GTF2E1: variants seen among roughly 807,000 people sequenced by gnomAD.
GTF2E1 encodes TFIIE alpha subunit.
In GTF2E1, 14 loss-of-function variants were observed where a neutral mutation model predicts 34.9. The ratio of observed to expected loss-of-function variants is 0.40; its 90% CI spans 0.27 to 0.63. The LOEUF (loss-of-function observed/expected upper bound fraction) is 0.63, where lower values mean the gene tolerates loss of function less well. Ranked by LOEUF, GTF2E1 falls within the 20% of genes least tolerant of loss-of-function variation. The probability of loss-of-function intolerance (pLI) is 0.39; values close to 1 mark genes in which losing one functional copy is unlikely to be tolerated. For missense variants in GTF2E1, 469 were observed against 557.7 expected, an observed-to-expected ratio of 0.84 and a Z score of 1.60; for synonymous variants, 188 against 192.9, an observed-to-expected ratio of 0.97 and a Z score of 0.21.
At chr3:120,745,723 T>C (rs944916391) in intron 1 of GTF2E1, among the ~76,000 whole-genome samples, 1 of 152,240 alleles carries the variant, frequency 6.6e-6, no homozygotes, top group Non-Finnish European at 1.5e-5. Context: ...CTTTGTTGAA[T>C]GTTTCTGAAG....
intron 2 of GTF2E1, among the ~76,000 whole-genome samples, chr3:120,769,068 A>G (rs1354893946): frequency 1.3e-5 from 2 of 152,040 alleles, no homozygotes; most frequent in Non-Finnish European, 2.9e-5. Flanking sequence ...TACCACCTAT[A>G]GGTTGTTGAT....
chr3:120,774,297 G>T (rs998573107), intron 3 of GTF2E1, among the ~76,000 whole-genome samples: 2 of 152,126 alleles, frequency 1.3e-5, no homozygotes, highest in Non-Finnish European at 2.9e-5. Context: ...AGACAAATGG[G>T]TGTGAGAGGA....
At chr3:120,751,084 A>G (rs1244020666) in intron 2 of GTF2E1, 84 bp downstream of exon 2, 2 of 783,102 alleles carry the variant, frequency 2.6e-6, no homozygotes, top group African/African-American at 1.7e-5. Context: ...TTTTTAAACC[A>G]TCATATATAT....
At chr3:120,761,120 A>G (rs1576359131) in intron 2 of GTF2E1, among the ~76,000 whole-genome samples, 1 of 152,102 alleles carries the variant, frequency 6.6e-6, no homozygotes, top group African/African-American at 2.4e-5. Context: ...CTATTCAGAG[A>G]TTCAACTTCT....
chr3:120,779,350 T>C (rs1191766460), intron 4 of GTF2E1, among the ~76,000 whole-genome samples: 1 of 152,208 alleles, frequency 6.6e-6, no homozygotes, highest in East Asian at 1.9e-4. Context: ...TTCCTTACCT[T>C]CTTTTCTTTC....
intron 1 of GTF2E1, among the ~76,000 whole-genome samples, chr3:120,744,742 C>T (rs966333582): frequency 3.9e-5 from 6 of 152,120 alleles, no homozygotes; most frequent in Non-Finnish European, 1.5e-5. Context: ...TCCACACTGC[C>T]TCCACCTTCA....
At chr3:120,770,673 A>G (rs915154986) in intron 2 of GTF2E1, 55 bp from the exon 3 acceptor site, 3 of 1,272,552 alleles carry the variant, frequency 2.4e-6, no homozygotes, top group Non-Finnish European at 3.5e-6. Flanking sequence ...GGGTGGAGGT[A>G]TAAACTATCT....
chr3:120,760,194 A>G (rs149178875), intron 2 of GTF2E1, among the ~76,000 whole-genome samples: 2,563 of 152,234 alleles, frequency 0.017, 64 homozygotes, highest in African/African-American at 0.058. Flanking sequence ...CTATGTGGCA[A>G]TTGTGAATGG....
rs774769973 is a variant in GTF2E1, at chr3:120,781,174, G to A, written c.1024G>A (p.Ala342Thr). The change falls in exon 5 of 5, where the codon GCA (alanine) becomes ACA (threonine). Residue 342 changes from alanine (A) to threonine (T), a missense_variant. Coordinates refer to ENST00000283875, the MANE Select transcript of GTF2E1 (RefSeq NM_005513.3). ...CTCTGCCATGGCTGGTTCAGTGGGG[G>A]CAGCTGCTCCAGTGACCGCTGCCAA... is the stretch of plus-strand genomic sequence containing the variant. ...TSSAMAGSVG[A>T]AAPVTAANGS... 17 of 1,613,980 alleles carry A rather than the reference G, an allele frequency of 1.1e-5. No individual in the cohort carries two copies. In the African/African-American group the frequency reaches 1.6e-4, roughly 15 times the overall value.
intron 4 of GTF2E1, among the ~76,000 whole-genome samples, chr3:120,780,556 G>A (rs1232157880): frequency 6.6e-6 from 1 of 152,184 alleles, no homozygotes; most frequent in African/African-American, 2.4e-5. Context: ...TGATCAGGAA[G>A]GATTCCAGAT....
chr3:120,745,575 C>T (rs1198366521), intron 1 of GTF2E1, among the ~76,000 whole-genome samples: 2 of 152,114 alleles, frequency 1.3e-5, no homozygotes, highest in African/African-American at 2.4e-5. Flanking sequence ...ATTCTTAAAA[C>T]GTTCCCTAGA....
At position 120,782,356 on chromosome 3, in the gene GTF2E1, G is replaced by A. The variant is rs1709456151; in HGVS notation, c.*886G>A. 1 of 152,186 alleles carries A rather than the reference G, an allele frequency of 6.6e-6. No homozygotes were observed. The highest frequency in any genetic ancestry group is 2.1e-4 in the South Asian group (1 of 4,830). 9.4% of individuals were successfully genotyped at this position (152,186 alleles called of 1,614,324 possible). ...GATTAATGTCTAAACCAGAATTTGTGTCTTTAGAACTGACCAGACTGGTAG... is the reference window on the plus strand; with the variant it reads ...GATTAATGTCTAAACCAGAATTTGTATCTTTAGAACTGACCAGACTGGTAG... On this transcript the variant is annotated 3_prime_UTR_variant, in exon 5 of 5. Coordinates refer to ENST00000283875, the MANE Select transcript of GTF2E1 (RefSeq NM_005513.3).
At position 120,781,099 on chromosome 3, in the gene GTF2E1, G is replaced by A. The variant is rs1304960836; in HGVS notation, c.949G>A (p.Asp317Asn). The A allele has an allele frequency of 6.2e-7, 1 of 1,613,966 alleles. No individual in the cohort carries two copies. The highest frequency in any genetic ancestry group is 1.3e-5 in the African/African-American group (1 of 74,934). ...TGAGGAAGGCCATGCTGGGCCTGAT[G>A]ACAACGAAGAGGTCATGCGAGCACT... is the stretch of plus-strand genomic sequence containing the variant. Reference protein sequence around the residue: ...EREEGHAGPDDNEEVMRALLI... With the variant: ...EREEGHAGPDNNEEVMRALLI... The change falls in exon 5 of 5, where the codon GAC becomes AAC. Residue 317 changes from aspartate (D) to asparagine (N), a missense_variant. By Grantham distance (23) the Asp-to-Asn change is conservative. Transcript: ENST00000283875.
At chr3:120,756,672 T>A (rs2107607202) in intron 2 of GTF2E1, among the ~76,000 whole-genome samples, 1 of 152,268 alleles carries the variant, frequency 6.6e-6, no homozygotes, top group Admixed American at 6.5e-5. Flanking sequence ...ATGCCTGTAA[T>A]CCCAGCACCT....
intron 1 of GTF2E1, among the ~76,000 whole-genome samples, chr3:120,746,991 G>A (rs763062466): frequency 1.3e-5 from 2 of 152,114 alleles, no homozygotes; most frequent in Admixed American, 6.5e-5. Context: ...ACTTCTTAGC[G>A]AGTAAAAGGT....
At chr3:120,775,382 G>A (rs1201486151) in intron 3 of GTF2E1, among the ~76,000 whole-genome samples, 2 of 152,172 alleles carry the variant, frequency 1.3e-5, no homozygotes, top group African/African-American at 2.4e-5. Flanking sequence ...AAGGTTTGGA[G>A]TGAGCAGGCA....
chr3:120,763,976 C>T (rs1265466215), intron 2 of GTF2E1, among the ~76,000 whole-genome samples: 1 of 152,176 alleles, frequency 6.6e-6, no homozygotes, highest in East Asian at 1.9e-4. Context: ...TCATTATTCC[C>T]ATGTTCACAG....
chr3:120,751,166 A>G (rs1471722827), intron 2 of GTF2E1, 166 bp downstream of exon 2: 2 of 558,004 alleles, frequency 3.6e-6, no homozygotes, highest in Non-Finnish European at 6.2e-6. Flanking sequence ...TGGCTGTCGC[A>G]CTACTTTGAG....
chr3:120,765,353 T>C (rs1220629172), intron 2 of GTF2E1, among the ~76,000 whole-genome samples: 1 of 152,244 alleles, frequency 6.6e-6, no homozygotes, highest in Non-Finnish European at 1.5e-5. Context: ...GATTTATTTT[T>C]ATTTGTTTGG....
Sources: gnomAD v4.1 joint callset for allele counts (sites outside exome capture counted in the v4.1 genomes callset) on GRCh38, gnomAD v4.1.1 for gene constraint, MANE v1.5 for transcripts, NCBI Gene and HGNC (gene_info 2026-07-23, HGNC 2026-07-21) for gene names.